The following MDGA2 variants were observed in gnomAD, a reference collection of about 807,000 sequenced individuals.
MDGA2 encodes the protein MAM domain containing glycosylphosphatidylinositol anchor 2, also known as MAM domain-containing glycosylphosphatidylinositol anchor protein 2.
Under a neutral mutation model 117.8 loss-of-function variants are expected in MDGA2, and 40 were observed. The observed-to-expected ratio is 0.34, with a 90% CI of 0.26 to 0.44. The LOEUF (loss-of-function observed/expected upper bound fraction) is 0.44, where lower values mean the gene tolerates loss of function less well. Ranked by LOEUF, MDGA2 falls within the 20% of genes least tolerant of loss-of-function variation. The probability of loss-of-function intolerance (pLI) is 1.00; values close to 1 mark genes in which losing one functional copy is unlikely to be tolerated. For synonymous variants in MDGA2, 452 were observed against 439.0 expected (o/e 1.03, Z -0.37); for missense variants, 1,123 against 1,250.6 (o/e 0.90, Z 1.54).
chr14:47,373,124 C>A (rs1891401948), intron 1 of MDGA2, among the ~76,000 whole-genome samples: 1 of 151,898 alleles, frequency 6.6e-6, no homozygotes, highest in African/African-American at 2.4e-5. Flanking sequence ...TATGGAATGA[C>A]ATAAACTAGG....
intron 8 of MDGA2, among the ~76,000 whole-genome samples, chr14:46,984,562 C>A (rs1886797893): frequency 6.6e-6 from 1 of 151,878 alleles, no homozygotes; most frequent in Admixed American, 6.6e-5. Context: ...ATTCTTGTAT[C>A]CAGCTGTCCC....
chr14:47,096,780 T>G, intron 6 of MDGA2, 74 bp downstream of exon 6: 3 of 1,442,592 alleles, frequency 2.1e-6, no homozygotes, highest in Non-Finnish European at 2.9e-6. Context: ...GAGGTAATTT[T>G]ATATCAACCA....
intron 1 of MDGA2, among the ~76,000 whole-genome samples, chr14:47,445,922 A>G (rs187636472): frequency 1.2e-3 from 187 of 152,274 alleles, no homozygotes; most frequent in Non-Finnish European, 2.1e-3. Context: ...ATGGCTGAAA[A>G]ATAGAAACAA....
chr14:46,956,306 CT>C (rs1290302938), intron 9 of MDGA2, among the ~76,000 whole-genome samples: 1 of 151,916 alleles, frequency 6.6e-6, no homozygotes, highest in Non-Finnish European at 1.5e-5. Flanking sequence ...GGAGTATTTT[CT>C]TTTAATGCAT....
At chr14:46,880,742 C>A (rs973344465) in intron 11 of MDGA2, among the ~76,000 whole-genome samples, 2 of 129,576 alleles carry the variant, frequency 1.5e-5, no homozygotes, top group Non-Finnish European at 3.1e-5. Flanking sequence ...GTGGAGGTTG[C>A]GGTGAGCCAA....
intron 1 of MDGA2, among the ~76,000 whole-genome samples, chr14:47,356,931 A>G (rs1041210623): frequency 3.3e-5 from 5 of 152,190 alleles, no homozygotes; most frequent in Admixed American, 6.5e-5. Context: ...CCCCCTGCAT[A>G]TTGCAGACTA....
chr14:47,618,959 TC>T (rs1223020450), intron 1 of MDGA2, among the ~76,000 whole-genome samples: 1 of 150,878 alleles, frequency 6.6e-6, no homozygotes, highest in East Asian at 1.9e-4. Flanking sequence ...ATGTGACCCA[TC>T]CAGGGACTCT....
chr14:46,986,013 T>C (rs1466893676), intron 8 of MDGA2, among the ~76,000 whole-genome samples: 17 of 149,882 alleles, frequency 1.1e-4, no homozygotes, highest in Admixed American at 6.6e-4. Context: ...GAGGCAAACA[T>C]AAGGAGTGTT....
At chr14:47,048,469 T>C (rs1889341835) in intron 7 of MDGA2, among the ~76,000 whole-genome samples, 1 of 152,108 alleles carries the variant, frequency 6.6e-6, no homozygotes, top group African/African-American at 2.4e-5. Context: ...ACTTCTGCAA[T>C]AAAAAGGCCA....
At chr14:47,600,481 C>T (rs548964157) in intron 1 of MDGA2, among the ~76,000 whole-genome samples, 28 of 152,128 alleles carry the variant, frequency 1.8e-4, no homozygotes, top group Non-Finnish European at 4.1e-4. Flanking sequence ...GGAAAATAGT[C>T]TAATACTTGA....
intron 9 of MDGA2, among the ~76,000 whole-genome samples, chr14:46,924,848 T>C (rs1444160989): frequency 6.6e-6 from 1 of 152,026 alleles, no homozygotes; most frequent in Admixed American, 6.6e-5. Flanking sequence ...TCTCTAGGGA[T>C]CAAAAAACAC....
At chr14:47,276,012 T>G (rs1888300950) in intron 2 of MDGA2, among the ~76,000 whole-genome samples, 1 of 152,056 alleles carries the variant, frequency 6.6e-6, no homozygotes, top group African/African-American at 2.4e-5. Context: ...CTTTCCTGGA[T>G]GAAGTGGCCA....
At position 47,012,462 on chromosome 14, in the gene MDGA2, C is replaced by A. The variant is rs1010963349; in HGVS notation, c.1819+22549G>T. Among the ~76,000 whole-genome samples the A allele has an allele frequency of 2.6e-5, 4 of 152,204 alleles. No individual in the cohort carries two copies. In the South Asian group the frequency reaches 8.3e-4, roughly 32 times the overall value. ...GAAAATACAAAGATAAATCAATCAC[C>A]ACTTTAGCTTTAACAAACTTAATAA... On this transcript the variant is annotated intron_variant, in intron 8 of 16. Coordinates refer to ENST00000399232, the MANE Select transcript of MDGA2 (RefSeq NM_001113498.3).
rs1332377188 is a variant in MDGA2 at position 46,920,264 on chromosome 14, T to A, written c.2090-104A>T. ...CCATTTCTACTATATTTTTCATTAG[T>A]AATTATAAAATCCAATCAATTTTCT... On this transcript the variant is annotated intron_variant, in intron 9 of 16. Coordinates refer to ENST00000399232, the MANE Select transcript of MDGA2 (RefSeq NM_001113498.3). 4.2e-5 allele frequency: 47 copies of A among 1,111,654 alleles called. No individual in the cohort carries two copies. In the East Asian group the frequency reaches 1.3e-3, roughly 32 times the overall value. The allele number at this position is 1,111,654 out of a possible 1,614,324, so 68.9% of individuals were successfully genotyped here.
Position 47,302,063 on chromosome 14 carries a change from A to G in MDGA2, c.281-513T>C, listed in dbSNP as rs554252223. Among the ~76,000 whole-genome samples, 10 of 152,332 alleles carry G rather than the reference A, an allele frequency of 6.6e-5. No individual in the cohort carries two copies. In the South Asian group the frequency reaches 1.4e-3, roughly 22 times the overall value. On this transcript the variant is annotated intron_variant, in intron 1 of 16. Transcript: ENST00000399232. ...GAAGTGAAAACCAACTTAATTTACC[A>G]TACTTATAGACATCTGTATTGATGT...
At chr14:47,407,596 T>C (rs1892284023) in intron 1 of MDGA2, among the ~76,000 whole-genome samples, 1 of 152,174 alleles carries the variant, frequency 6.6e-6, no homozygotes, top group Non-Finnish European at 1.5e-5. Flanking sequence ...TCATATTGTG[T>C]ATTCTTAGAG....
chr14:47,588,417 T>C (rs1896373342), intron 1 of MDGA2, among the ~76,000 whole-genome samples: 1 of 151,712 alleles, frequency 6.6e-6, no homozygotes, highest in African/African-American at 2.4e-5. Flanking sequence ...CTTGTCAACA[T>C]TGCTATTGTT....
At chr14:47,403,691 G>T (rs1055559012) in intron 1 of MDGA2, among the ~76,000 whole-genome samples, 10 of 152,080 alleles carry the variant, frequency 6.6e-5, no homozygotes, top group Non-Finnish European at 1.3e-4. Context: ...GTTTGAATTT[G>T]CGTGCTTTAG....
chr14:47,575,939 T>C (rs911432586), intron 1 of MDGA2, among the ~76,000 whole-genome samples: 1 of 152,210 alleles, frequency 6.6e-6, no homozygotes, highest in Non-Finnish European at 1.5e-5. Flanking sequence ...CATTTTGGAA[T>C]TCAGTGCTAA....
Sources: gnomAD v4.1 joint callset for allele counts (sites outside exome capture counted in the v4.1 genomes callset) on GRCh38, gnomAD v4.1.1 for gene constraint, MANE v1.5 for transcripts, NCBI Gene and HGNC (gene_info 2026-07-23, HGNC 2026-07-21) for gene names.